The following ZNF888 variants were observed in gnomAD, a reference collection of about 807,000 sequenced individuals.
The protein encoded by ZNF888 is zinc finger protein 888.
ZNF888 carries 5 observed loss-of-function variants against 7.2 expected under a neutral mutation model. The observed-to-expected ratio is 0.70, with a 90% CI of 0.36 to 1.46. ZNF888 has a LOEUF of 1.46. ZNF888 is among the 40% of genes most tolerant of loss of function. ZNF888 has a pLI of 0.03. For synonymous variants in ZNF888, 240 were observed against 284.3 expected (o/e 0.84, Z 1.57); for missense variants, 716 against 858.0 (o/e 0.83, Z 2.07).
Position 52,917,943 on chromosome 19 carries a change from A to G in ZNF888, c.-58-12T>C, listed in dbSNP as rs10401262. 9,476 of 1,606,568 alleles carry G rather than the reference A, an allele frequency of 5.9e-3. 467 individuals are homozygous for G. The African/African-American group carries it at 0.11, about 19-fold the overall frequency. ...CACATACCCAGAGTCTTTAGAAGTCAATCATGAATGTTAGAAATATGTTGT... is the reference window on the plus strand; with the variant it reads ...CACATACCCAGAGTCTTTAGAAGTCGATCATGAATGTTAGAAATATGTTGT... On this transcript the variant is annotated splice_polypyrimidine_tract_variant and intron_variant, in intron 2 of 4. Coordinates refer to ENST00000638862, the MANE Select transcript of ZNF888 (RefSeq NM_001393938.1).
At chr19:52,908,271 T>C (rs1020333663) in intron 4 of ZNF888, 92 bp from the exon 5 acceptor site, 18 of 1,247,860 alleles carry the variant, frequency 1.4e-5, no homozygotes, top group South Asian at 1.4e-4. Flanking sequence ...ACAATACTTA[T>C]TTTAAACATC....
intron 4 of ZNF888, among the ~76,000 whole-genome samples, chr19:52,911,494 A>C (rs1030441934): frequency 4.6e-5 from 7 of 151,452 alleles, no homozygotes; most frequent in Non-Finnish European, 8.8e-5. Flanking sequence ...GCCCGCCACT[A>C]TGCCCAGCTA....
chr19:52,916,605 T>TACACATATATATGTATTATATAC (rs1449969419), intron 3 of ZNF888, among the ~76,000 whole-genome samples: 24 of 53,584 alleles, frequency 4.5e-4, no homozygotes, highest in South Asian at 1.7e-3. Context: ...TATACATACA[T>TACACATATATATGTATTATATAC]ATACATATAC....
intron 3 of ZNF888, 76 bp downstream of exon 3, chr19:52,917,783 A>G (rs1384742579): frequency 6.2e-7 from 1 of 1,607,146 alleles, no homozygotes; most frequent in African/African-American, 1.3e-5. Flanking sequence ...TCAGACTCAG[A>G]GAAGTTTCCC....
chr19:52,913,502 T>G (rs890481258), intron 4 of ZNF888, among the ~76,000 whole-genome samples: 1 of 152,180 alleles, frequency 6.6e-6, no homozygotes, highest in East Asian at 1.9e-4. Flanking sequence ...GTTTTGTAAT[T>G]ATACTACAGA....
rs374760326 is a variant in ZNF888, at chr19:52,916,615, C to CATATACATATACATATATAT, written c.15+1243_15+1244insATATATATGTATATGTATAT. Among the ~76,000 whole-genome samples, 395 of 131,306 alleles carry CATATACATATACATATATAT rather than the reference C, an allele frequency of 3.0e-3. 4 individuals carry two copies. Among genetic ancestry groups the CATATACATATACATATATAT allele is most frequent in the Middle Eastern group, 0.012 (3 of 260 alleles). 86.1% of individuals were successfully genotyped at this position (131,306 alleles called of 152,430 possible). On this transcript the variant is annotated intron_variant, in intron 3 of 4. Coordinates refer to ENST00000638862, the MANE Select transcript of ZNF888 (RefSeq NM_001393938.1). ...TATTATATACATACATATACATATA[C>CATATACATATACATATATAT]ATATATATATATATATATATATATA...
chr19:52,913,711 A>G, intron 4 of ZNF888: 1 of 983,444 alleles, frequency 1.0e-6, no homozygotes, highest in Non-Finnish European at 1.2e-6. Context: ...CCATATATCT[A>G]TACGACACAC....
At chr19:52,922,462 G>C (rs888069712) in intron 1 of ZNF888, among the ~76,000 whole-genome samples, 25 of 152,038 alleles carry the variant, frequency 1.6e-4, no homozygotes, top group South Asian at 2.1e-4. Context: ...GAGCCTTTCT[G>C]TTTGCTGCCC....
intron 3 of ZNF888, among the ~76,000 whole-genome samples, chr19:52,916,528 GTGTGTGTATATGTGTGGGGA>G (rs946715704): frequency 5.3e-5 from 8 of 150,440 alleles, no homozygotes; most frequent in Non-Finnish European, 8.9e-5. Context: ...ACCTATATAT[GTGTGTGTATATGTGTGGGGA>G]TGTGTGTATA....
chr19:52,910,080 C>T (rs948340990), intron 4 of ZNF888, among the ~76,000 whole-genome samples: 1 of 136,996 alleles, frequency 7.3e-6, no homozygotes, highest in African/African-American at 2.6e-5. Flanking sequence ...CCCTGGAAAG[C>T]GGAGGTTGCA....
Position 52,906,606 on chromosome 19 carries a change from A to G in ZNF888, c.1716T>C (p.His572=), listed in dbSNP as rs2064611208. 3.1e-6 allele frequency: 5 copies of G among 1,613,670 alleles called. No individual in the cohort carries two copies. The highest frequency in any genetic ancestry group is 1.1e-5 in the South Asian group (1 of 91,068). The change falls in exon 5 of 5, where the codon CAT becomes CAC. Residue 572 remains histidine, a synonymous_variant. Transcript: ENST00000638862. ...TACACTTGTAAGGTTTCTCTCCAGT[A>G]TGAAGTCTATGATGATATGCAAGGC... ...KSSLAYHHRL[H]TGEKPYKCNE...
chr19:52,922,952 G>A (rs1386751545), intron 1 of ZNF888, among the ~76,000 whole-genome samples: 2 of 152,050 alleles, frequency 1.3e-5, no homozygotes, highest in South Asian at 2.1e-4. Flanking sequence ...GGTGGGGTCC[G>A]CAGGATCCCA....
At chr19:52,908,463 A>G (rs774503279) in intron 4 of ZNF888, among the ~76,000 whole-genome samples, 3 of 152,250 alleles carry the variant, frequency 2.0e-5, no homozygotes, top group Non-Finnish European at 2.9e-5. Context: ...TTGTGACCTT[A>G]AAGTGTGTCA....
intron 1 of ZNF888, among the ~76,000 whole-genome samples, chr19:52,922,125 G>C (rs2147942212): frequency 6.6e-6 from 1 of 152,188 alleles, no homozygotes; most frequent in East Asian, 1.9e-4. Context: ...GACCAGCCTG[G>C]CCAACATGGT....
At chr19:52,913,952 C>A (rs995758792) in intron 4 of ZNF888, among the ~76,000 whole-genome samples, 1 of 151,978 alleles carries the variant, frequency 6.6e-6, no homozygotes, top group East Asian at 1.9e-4. Context: ...ATGGTGAAAC[C>A]CCATCTCTAC....
At chr19:52,914,327 C>G (rs12461015) in intron 4 of ZNF888, 1 of 957,006 alleles carries the variant, frequency 1.0e-6, no homozygotes, top group Admixed American at 6.2e-5. Context: ...CCCATCTGGA[C>G]TTTTTTGCTA....
rs1417416837 is a variant in ZNF888, at chr19:52,923,395, C to A, written c.-204G>T. ...GCCGCAGTGTGACTTCCAGTCCACG[C>A]GATCCGCTTCCTGGTCCGGGCGAAT... On this transcript the variant is annotated 5_prime_UTR_variant, in exon 1 of 5. Coordinates refer to ENST00000638862, the MANE Select transcript of ZNF888 (RefSeq NM_001393938.1). The A allele has an allele frequency of 1.0e-6, 1 of 985,518 alleles. No individual in the cohort carries two copies. Among genetic ancestry groups the A allele is most frequent in the African/African-American group, 1.8e-5 (1 of 56,932 alleles). 61.0% of individuals were successfully genotyped at this position (985,518 alleles called of 1,614,324 possible).
intron 1 of ZNF888, among the ~76,000 whole-genome samples, chr19:52,920,501 AAAAAAAAAAAAAAAAGAAAAAAAAAG>A (rs2064812166): frequency 6.8e-5 from 3 of 43,932 alleles, no homozygotes; most frequent in African/African-American, 2.6e-4. Flanking sequence ...AAAAAAAAAA[AAAAAAAAAAAAAAAAGAAAAAAAAAG>A]AAAAGGAAAA....
At chr19:52,908,738 C>T (rs570597576) in intron 4 of ZNF888, among the ~76,000 whole-genome samples, 4 of 149,756 alleles carry the variant, frequency 2.7e-5, no homozygotes, top group African/African-American at 9.9e-5. Flanking sequence ...CCCAGGTACT[C>T]GGGAGGCTGA....
Sources: gnomAD v4.1 joint callset for allele counts (sites outside exome capture counted in the v4.1 genomes callset) on GRCh38, gnomAD v4.1.1 for gene constraint, MANE v1.5 for transcripts, NCBI Gene and HGNC (gene_info 2026-07-23, HGNC 2026-07-21) for gene names.